Variants in QTMAN observed in about 807,000 individuals in gnomAD.
QTMAN encodes queuosine-tRNA mannosyltransferase.
At chr2:144,003,375 G>A in the QTMAN span, among the ~76,000 whole-genome samples, 1 of 150,934 alleles carries the variant, frequency 6.6e-6, no homozygotes, top group Non-Finnish European at 1.5e-5. Context: ...GTTGGAACCT[G>A]GATTAATATT....
At chr2:144,024,728 C>A in the QTMAN span, among the ~76,000 whole-genome samples, 1 of 152,050 alleles carries the variant, frequency 6.6e-6, no homozygotes. Flanking sequence ...TCACTAAGAT[C>A]AACAAAATAC....
the QTMAN span, among the ~76,000 whole-genome samples, chr2:144,155,648 C>T: frequency 6.6e-6 from 1 of 152,082 alleles, no homozygotes; most frequent in African/African-American, 2.4e-5. Flanking sequence ...CAATCCGACC[C>T]TATCAGTGTA....
the QTMAN span, among the ~76,000 whole-genome samples, chr2:144,190,063 T>C: frequency 3.9e-5 from 6 of 152,248 alleles, no homozygotes; most frequent in South Asian, 8.3e-4. Context: ...ATTACAATTA[T>C]GTTTTATTTT....
At chr2:144,133,151 A>ATATATATATATATATT in the QTMAN span, among the ~76,000 whole-genome samples, 1 of 51,394 alleles carries the variant, frequency 1.9e-5, no homozygotes, top group Non-Finnish European at 3.3e-5. Flanking sequence ...ATATATATAT[A>ATATATATATATATATT]ATATAATATA....
At chr2:144,002,531 T>C in the QTMAN span, among the ~76,000 whole-genome samples, 1 of 152,030 alleles carries the variant, frequency 6.6e-6, no homozygotes, top group Non-Finnish European at 1.5e-5. Context: ...AAATTGCATT[T>C]AAAATCTTAG....
chr2:144,052,392 A>G, the QTMAN span, among the ~76,000 whole-genome samples: 1 of 152,224 alleles, frequency 6.6e-6, no homozygotes, highest in African/African-American at 2.4e-5. Context: ...TGAAGAGACG[A>G]GCAAAAAGAC....
At chr2:144,139,853 C>T in the QTMAN span, among the ~76,000 whole-genome samples, 1 of 152,018 alleles carries the variant, frequency 6.6e-6, no homozygotes, top group Non-Finnish European at 1.5e-5. Flanking sequence ...TTATATAGCG[C>T]AATGACTAAT....
chr2:143,979,606 G>A, the QTMAN span, among the ~76,000 whole-genome samples: 1 of 152,234 alleles, frequency 6.6e-6, no homozygotes, highest in African/African-American at 2.4e-5. Flanking sequence ...ATATAGATTT[G>A]TATAAGCATA....
At chr2:144,238,248 A>G in the QTMAN span, among the ~76,000 whole-genome samples, 9 of 152,344 alleles carry the variant, frequency 5.9e-5, no homozygotes, top group Non-Finnish European at 4.4e-5. Flanking sequence ...GGAAGTAGCC[A>G]ACTACAAATG....
chr2:144,208,488 C>A, the QTMAN span: 1 of 842,764 alleles, frequency 1.2e-6, no homozygotes, highest in South Asian at 1.7e-5. Flanking sequence ...CTACTATAGT[C>A]ATAATAACCA....
At chr2:144,323,455 T>C in the QTMAN span, among the ~76,000 whole-genome samples, 13 of 152,192 alleles carry the variant, frequency 8.5e-5, no homozygotes, top group African/African-American at 3.1e-4. Context: ...AGTTGGGTCT[T>C]ACTGCCATTT....
chr2:144,155,873 C>T, the QTMAN span, among the ~76,000 whole-genome samples: 2 of 151,628 alleles, frequency 1.3e-5, no homozygotes, highest in Non-Finnish European at 2.9e-5. Flanking sequence ...ATATCTGCTT[C>T]GTGACAACTA....
chr2:144,204,377 C>A, the QTMAN span, among the ~76,000 whole-genome samples: 3 of 152,120 alleles, frequency 2.0e-5, no homozygotes, highest in Admixed American at 6.5e-5. Flanking sequence ...ATGCAGCCAA[C>A]AGACACGTGA....
At chr2:144,007,653 T>C in the QTMAN span, 178 of 660,688 alleles carry the variant, frequency 2.7e-4, 1 homozygote, top group East Asian at 3.0e-3. Flanking sequence ...ATAAAGATGT[T>C]ATACAAAAAT....
At chr2:144,246,170 A>G in the QTMAN span, among the ~76,000 whole-genome samples, 2 of 152,364 alleles carry the variant, frequency 1.3e-5, no homozygotes, top group Admixed American at 6.5e-5. Context: ...GGGCACATGT[A>G]AAGTATTAAT....
the QTMAN span, among the ~76,000 whole-genome samples, chr2:144,147,897 T>C: frequency 6.6e-6 from 1 of 151,816 alleles, no homozygotes. Context: ...TAAGCTGAAT[T>C]TGGTAAGGAA....
the QTMAN span, among the ~76,000 whole-genome samples, chr2:143,988,793 C>G: frequency 6.6e-6 from 1 of 152,286 alleles, no homozygotes; most frequent in South Asian, 2.1e-4. Flanking sequence ...AACCTCCTTA[C>G]CCCTTGTAAA....
chr2:144,020,370 G>A, the QTMAN span, among the ~76,000 whole-genome samples: 3 of 152,208 alleles, frequency 2.0e-5, no homozygotes, highest in African/African-American at 7.2e-5. Flanking sequence ...GCACATCAGG[G>A]GAGGAACACA....
At chr2:144,256,222 A>G in the QTMAN span, among the ~76,000 whole-genome samples, 1 of 152,174 alleles carries the variant, frequency 6.6e-6, no homozygotes, top group Non-Finnish European at 1.5e-5. Flanking sequence ...ATTTTATGAG[A>G]AATTCGACAG....
Sources: gnomAD v4.1 joint callset for allele counts (sites outside exome capture counted in the v4.1 genomes callset) on GRCh38, gnomAD v4.1.1 for gene constraint, MANE v1.5 for transcripts, NCBI Gene and HGNC (gene_info 2026-07-23, HGNC 2026-07-21) for gene names.